Variants in CCDC7 observed in about 807,000 individuals in gnomAD.
CCDC7 encodes the protein coiled-coil domain containing 7, also known as coiled-coil domain-containing protein 7.
Under a neutral mutation model 196.9 loss-of-function variants are expected in CCDC7, and 183 were observed. That is an observed-to-expected ratio of 0.93 (90% confidence interval 0.82 to 1.05). The LOEUF (loss-of-function observed/expected upper bound fraction) is 1.05, where lower values mean the gene tolerates loss of function less well. CCDC7 is among the 50% of genes least tolerant of loss of function. CCDC7 has a pLI of 0.00. For missense variants in CCDC7, 1,540 were observed against 1,482.2 expected (o/e 1.04, Z -0.64); for synonymous variants, 525 against 484.6 (o/e 1.08, Z -1.10).
chr10:32,626,475 T>C (rs2064059820), intron 18 of CCDC7, among the ~76,000 whole-genome samples: 1 of 152,034 alleles, frequency 6.6e-6, no homozygotes, highest in South Asian at 2.1e-4. Context: ...CCTTGATGAA[T>C]GTATGGCTTG....
intron 8 of CCDC7, among the ~76,000 whole-genome samples, chr10:32,484,422 T>C (rs2040589327): frequency 1.3e-5 from 2 of 152,206 alleles, no homozygotes; most frequent in African/African-American, 4.8e-5. Context: ...TTTCTAAATA[T>C]ACAGTCATGT....
At chr10:32,636,586 C>G (rs1373552311) in intron 20 of CCDC7, among the ~76,000 whole-genome samples, 2 of 152,142 alleles carry the variant, frequency 1.3e-5, no homozygotes, top group African/African-American at 4.8e-5. Flanking sequence ...GCATAGTATT[C>G]CATGATGTAT....
intron 20 of CCDC7, among the ~76,000 whole-genome samples, chr10:32,644,613 G>T (rs796198814): frequency 8.5e-5 from 13 of 152,316 alleles, no homozygotes; most frequent in African/African-American, 2.9e-4. Flanking sequence ...ATTTCCACAT[G>T]TTGTGGGAGG....
chr10:32,526,548 A>G (rs971122623), intron 11 of CCDC7, among the ~76,000 whole-genome samples: 1 of 152,162 alleles, frequency 6.6e-6, no homozygotes, highest in Non-Finnish European at 1.5e-5. Flanking sequence ...CCCATGTCTC[A>G]GAGCCCAGGC....
intron 29 of CCDC7, among the ~76,000 whole-genome samples, chr10:32,795,818 A>C (rs969928573): frequency 6.6e-6 from 1 of 152,166 alleles, no homozygotes; most frequent in African/African-American, 2.4e-5. Flanking sequence ...TAAACAAAGC[A>C]ATGCCCTTCT....
chr10:32,713,170 T>A (rs2081084092), intron 25 of CCDC7, among the ~76,000 whole-genome samples: 1 of 152,050 alleles, frequency 6.6e-6, no homozygotes, highest in African/African-American at 2.4e-5. Context: ...ACAATAGGGG[T>A]TTATAGTGGC....
At chr10:32,497,615 G>T (rs560611004) in intron 9 of CCDC7, among the ~76,000 whole-genome samples, 1 of 152,260 alleles carries the variant, frequency 6.6e-6, no homozygotes, top group Admixed American at 6.5e-5. Context: ...TGGTTTCAAA[G>T]AACATCTTTA....
chr10:32,610,029 A>AGTGTGTGTGTGTGT (rs113353807), intron 18 of CCDC7, among the ~76,000 whole-genome samples: 16 of 146,422 alleles, frequency 1.1e-4, no homozygotes, highest in African/African-American at 4.0e-4. Flanking sequence ...TGTATGTATG[A>AGTGTGTGTGTGTGT]GTGTGTGTGT....
intron 41 of CCDC7, among the ~76,000 whole-genome samples, chr10:32,872,669 G>A (rs538694884): frequency 3.1e-4 from 47 of 151,912 alleles, no homozygotes; most frequent in African/African-American, 1.1e-3. Flanking sequence ...TTTTGCAGTG[G>A]CTGGTACCGG....
At chr10:32,790,233 A>G (rs930187975) in intron 29 of CCDC7, among the ~76,000 whole-genome samples, 3 of 152,078 alleles carry the variant, frequency 2.0e-5, no homozygotes, top group East Asian at 1.9e-4. Flanking sequence ...GCATTGTTCT[A>G]TTGGGGGCTG....
At chr10:32,581,467 C>A (rs2058724663) in intron 16 of CCDC7, among the ~76,000 whole-genome samples, 1 of 152,110 alleles carries the variant, frequency 6.6e-6, no homozygotes, top group African/African-American at 2.4e-5. Context: ...TTCTCTTCCT[C>A]CTCCTCCTTC....
At chr10:32,866,526 A>G (rs1030349103) in intron 41 of CCDC7, among the ~76,000 whole-genome samples, 2 of 151,776 alleles carry the variant, frequency 1.3e-5, no homozygotes, top group Non-Finnish European at 2.9e-5. Context: ...GAGATTAGCC[A>G]TCGAAGTAAT....
intron 21 of CCDC7, among the ~76,000 whole-genome samples, chr10:32,684,780 C>G (rs546555587): frequency 1.7e-4 from 26 of 152,266 alleles, no homozygotes; most frequent in Admixed American, 1.1e-3. Flanking sequence ...GAAAAACAAA[C>G]CTACTGAAAA....
At chr10:32,643,666 A>T (rs1407357036) in intron 20 of CCDC7, among the ~76,000 whole-genome samples, 1 of 151,758 alleles carries the variant, frequency 6.6e-6, no homozygotes, top group Non-Finnish European at 1.5e-5. Context: ...AAATGTTTAA[A>T]CTTTTTAAAA....
intron 41 of CCDC7, among the ~76,000 whole-genome samples, chr10:32,857,269 A>C (rs571540747): frequency 4.6e-5 from 7 of 152,210 alleles, no homozygotes; most frequent in Non-Finnish European, 1.0e-4. Flanking sequence ...ATTAGCAAAT[A>C]GAACTTAATT....
intron 8 of CCDC7, among the ~76,000 whole-genome samples, chr10:32,487,817 A>T (rs1317677188): frequency 6.6e-6 from 1 of 152,188 alleles, no homozygotes; most frequent in African/African-American, 2.4e-5. Context: ...GTGAACAGCA[A>T]ATATTGCTGC....
At chr10:32,656,212 A>G (rs1056073367) in intron 20 of CCDC7, among the ~76,000 whole-genome samples, 2 of 152,222 alleles carry the variant, frequency 1.3e-5, no homozygotes, top group African/African-American at 2.4e-5. Context: ...CAGAATTACC[A>G]TCAGATCCAG....
At chr10:32,635,156 A>C (rs1375344646) in exon 20 of CCDC7, 3 of 398,534 alleles carry the variant, frequency 7.5e-6, no homozygotes, top group Admixed American at 4.4e-5. Context: ...GAGAGTTTTC[A>C]TTGTAAGTAG....
At chr10:32,567,926 T>C (rs1443876285) in intron 15 of CCDC7, 35 bp downstream of exon 16, 3 of 1,548,956 alleles carry the variant, frequency 1.9e-6, no homozygotes, top group Non-Finnish European at 2.6e-6. Flanking sequence ...CAGTAGTATA[T>C]GTTGTGAGAA....
Sources: allele counts gnomAD v4.1 joint callset (sites outside exome capture counted in the v4.1 genomes callset), GRCh38; gene constraint gnomAD v4.1.1; transcripts MANE v1.5; gene names NCBI Gene and HGNC (gene_info 2026-07-23, HGNC 2026-07-21).